AASDH: variants seen among roughly 807,000 people sequenced by gnomAD.
AASDH encodes aminoadipate-semialdehyde dehydrogenase.
In AASDH, 81 loss-of-function variants were observed where a neutral mutation model predicts 102.3. That is an observed-to-expected ratio of 0.79 (90% confidence interval 0.66 to 0.95). The LOEUF (loss-of-function observed/expected upper bound fraction) is 0.95, where lower values mean the gene tolerates loss of function less well. Among genes scored for constraint, AASDH ranks in the 40% least tolerant of loss-of-function variants. AASDH has a pLI of 0.00. For missense variants in AASDH, 1,203 were observed against 1,266.2 expected, an observed-to-expected ratio of 0.95 and a Z score of 0.76; for synonymous variants, 398 against 454.0, an observed-to-expected ratio of 0.88 and a Z score of 1.57.
intron 5 of AASDH, chr4:56,356,247 T>G (rs1449622746): frequency 4.8e-6 from 4 of 827,900 alleles, no homozygotes; most frequent in Non-Finnish European, 8.3e-6. Context: ...CCTAAGAATT[T>G]TGGCACTGAG....
intron 9 of AASDH, 147 bp downstream of exon 9, chr4:56,353,253 GAATT>G: frequency 1.7e-6 from 1 of 597,412 alleles, no homozygotes. Flanking sequence ...AAGATAAAAT[GAATT>G]AATTAGACAA....
chr4:56,348,961 AT>A (rs1748651499), intron 11 of AASDH: 1 of 396,242 alleles, frequency 2.5e-6, no homozygotes, highest in Admixed American at 4.2e-5. Flanking sequence ...GTTTTGGGGT[AT>A]TTGTGATACA....
chr4:56,367,169 A>G (rs1436021766), intron 5 of AASDH, among the ~76,000 whole-genome samples: 5 of 152,176 alleles, frequency 3.3e-5, no homozygotes, highest in African/African-American at 7.2e-5. Context: ...AGGGACGTGA[A>G]GGAACTCTTC....
rs769347167 is a variant in AASDH, at chr4:56,355,188, G to A, written c.1097C>T (p.Thr366Ile). ...GTACAATGAAAACCCTTACTTGAGA[G>A]TAGAGTTAAGAGTCTTCTCTGGAAT... ...YRIPEKTLNS[T>I]LKCELPVQLG... Residue 366 changes from threonine to isoleucine, a missense_variant, in exon 6 of 15, where the codon ACT becomes ATT. Coordinates refer to ENST00000205214, the MANE Select transcript of AASDH (RefSeq NM_181806.4). 3 of 1,613,532 alleles carry A rather than the reference G, an allele frequency of 1.9e-6. No individual in the cohort carries two copies. In the South Asian group the frequency reaches 3.3e-5, roughly 18 times the overall value.
chr4:56,359,400 C>G (rs1287555067), intron 5 of AASDH, among the ~76,000 whole-genome samples: 3 of 151,862 alleles, frequency 2.0e-5, no homozygotes, highest in African/African-American at 4.8e-5. Flanking sequence ...GCTGGGATTA[C>G]AGGCACCTGC....
chr4:56,340,028 G>T (rs569067182), intron 14 of AASDH, among the ~76,000 whole-genome samples: 1 of 152,200 alleles, frequency 6.6e-6, no homozygotes, highest in East Asian at 1.9e-4. Flanking sequence ...AATTAGCTGG[G>T]TGTGGTGGTA....
At chr4:56,385,428 G>A (rs1753436623) in intron 1 of AASDH, among the ~76,000 whole-genome samples, 1 of 152,096 alleles carries the variant, frequency 6.6e-6, no homozygotes, top group Middle Eastern at 3.2e-3. Context: ...GTTTCTTAAT[G>A]CAGATTATAT....
chr4:56,372,117 T>C (rs1751789679), intron 4 of AASDH, among the ~76,000 whole-genome samples: 1 of 152,130 alleles, frequency 6.6e-6, no homozygotes, highest in African/African-American at 2.4e-5. Context: ...GTTGGCTGGA[T>C]TTACTTGGAA....
At chr4:56,341,249 G>A (rs971897759) in intron 14 of AASDH, among the ~76,000 whole-genome samples, 6 of 152,122 alleles carry the variant, frequency 3.9e-5, no homozygotes, top group African/African-American at 1.4e-4. Context: ...CAAAGATATG[G>A]AATGCACTTA....
chr4:56,370,841 TTAAC>T (rs1004484589), intron 5 of AASDH, among the ~76,000 whole-genome samples: 5 of 152,320 alleles, frequency 3.3e-5, no homozygotes, highest in Admixed American at 2.6e-4. Flanking sequence ...AGTTAAACAT[TTAAC>T]TAAGATATCT....
At chr4:56,339,072 A>AGTT (rs1577941093) in intron 14 of AASDH, among the ~76,000 whole-genome samples, 1 of 152,290 alleles carries the variant, frequency 6.6e-6, no homozygotes, top group Admixed American at 6.5e-5. Context: ...TCCATTCAAG[A>AGTT]GTTAGTATTA....
At chr4:56,374,390 A>AG (rs1752117972) in intron 4 of AASDH, among the ~76,000 whole-genome samples, 2 of 150,736 alleles carry the variant, frequency 1.3e-5, no homozygotes, top group African/African-American at 2.4e-5. Flanking sequence ...AAAAAAAAAA[A>AG]GGACATTTGA....
At chr4:56,371,688 G>GTC in intron 4 of AASDH, 45 bp from the exon 5 acceptor site, 1 of 1,512,400 alleles carries the variant, frequency 6.6e-7, no homozygotes, top group Non-Finnish European at 9.0e-7. Context: ...CAAACATTCA[G>GTC]TAAGCACATA....
At chr4:56,349,116 A>T in intron 11 of AASDH, 147 bp downstream of exon 11, 1 of 842,276 alleles carries the variant, frequency 1.2e-6, no homozygotes, top group Non-Finnish European at 1.8e-6. Context: ...AAGGCCCACA[A>T]TATTAATCAG....
At chr4:56,382,330 T>C in intron 3 of AASDH, 147 bp downstream of exon 3, 1 of 766,608 alleles carries the variant, frequency 1.3e-6, no homozygotes, top group African/African-American at 1.8e-5. Context: ...TCACAACAAT[T>C]ACTCAACCCT....
At chr4:56,364,726 C>T (rs1386780437) in intron 5 of AASDH, among the ~76,000 whole-genome samples, 3 of 152,172 alleles carry the variant, frequency 2.0e-5, no homozygotes, top group Admixed American at 2.0e-4. Flanking sequence ...AATCACTAAA[C>T]ATGGAAAGGA....
chr4:56,358,561 TG>T (rs1749899199), intron 5 of AASDH, among the ~76,000 whole-genome samples: 1 of 151,632 alleles, frequency 6.6e-6, no homozygotes, highest in Non-Finnish European at 1.5e-5. Flanking sequence ...AAATCATAAA[TG>T]GGTGTTAGAT....
At position 56,355,345 on chromosome 4, in the gene AASDH, C is replaced by T. The variant is rs1749482203; in HGVS notation, c.940G>A (p.Val314Ile). The change falls in exon 6 of 15, where the codon GTA becomes ATA. Residue 314 changes from valine (V) to isoleucine (I), a missense_variant. By Grantham distance (29) the Val-to-Ile change is conservative. Transcript: ENST00000205214. Reference protein sequence around the residue: ...TVLSATTSLRVLALGGEAFPS... With the variant: ...TVLSATTSLRILALGGEAFPS... ...AACGCTTCACCACCAAGGGCTAATA[C>T]TCGAAGAGAAGTAGTGGCTGACAAA... The T allele has an allele frequency of 6.2e-7, 1 of 1,614,048 alleles. No homozygotes were observed. Among genetic ancestry groups the T allele is most frequent in the African/African-American group, 1.3e-5 (1 of 74,924 alleles).
intron 9 of AASDH, among the ~76,000 whole-genome samples, chr4:56,352,921 T>C (rs1271684727): frequency 5.9e-5 from 9 of 152,206 alleles, no homozygotes; most frequent in Non-Finnish European, 1.3e-4. Flanking sequence ...TATCTATCTA[T>C]ATATTGGTTC....
Sources: allele counts gnomAD v4.1 joint callset (sites outside exome capture counted in the v4.1 genomes callset), GRCh38; gene constraint gnomAD v4.1.1; transcripts MANE v1.5; gene names NCBI Gene and HGNC (gene_info 2026-07-23, HGNC 2026-07-21).